The following WWOX variants were observed in gnomAD, a reference collection of about 807,000 sequenced individuals.
The protein encoded by WWOX is WW domain-containing oxidoreductase.
In WWOX, 69 loss-of-function variants were observed where a neutral mutation model predicts 46.2. That is an observed-to-expected ratio of 1.49 (90% CI 1.23 to 1.82). WWOX has a LOEUF of 1.82. Ranked by LOEUF, WWOX falls within the 40% of genes most tolerant of loss-of-function variation. WWOX has a pLI of 0.00. For synonymous variants in WWOX, 359 were observed against 202.6 expected (o/e 1.77, Z -6.56); for missense variants, 919 against 542.6 (o/e 1.69, Z -6.89).
chr16:78,859,699 A>T (rs944966957), intron 8 of WWOX, among the ~76,000 whole-genome samples: 4 of 152,190 alleles, frequency 2.6e-5, no homozygotes, highest in African/African-American at 7.2e-5. Flanking sequence ...AAATTTCTCC[A>T]TAGCCTTCTG....
chr16:78,185,614 C>T (rs139275798), intron 5 of WWOX, among the ~76,000 whole-genome samples: 1 of 152,096 alleles, frequency 6.6e-6, no homozygotes, highest in African/African-American at 2.4e-5. Flanking sequence ...GATATGCGTT[C>T]ATTCAAAGAA....
intron 8 of WWOX, among the ~76,000 whole-genome samples, chr16:78,480,216 T>C (rs946359145): frequency 4.6e-5 from 7 of 152,370 alleles, no homozygotes; most frequent in East Asian, 3.9e-4. Context: ...AGTAGCCAGA[T>C]GTGGTTATTG....
intron 8 of WWOX, among the ~76,000 whole-genome samples, chr16:78,773,592 G>A (rs1479381143): frequency 2.0e-5 from 3 of 152,154 alleles, no homozygotes; most frequent in East Asian, 3.8e-4. Flanking sequence ...CTCCGCACTC[G>A]TGGGTGGAAT....
chr16:78,343,539 G>GC (rs2081049841), intron 5 of WWOX, among the ~76,000 whole-genome samples: 2 of 121,010 alleles, frequency 1.7e-5, no homozygotes, highest in East Asian at 3.9e-4. Flanking sequence ...TCTGGGCACA[G>GC]CCCCCCTTGA....
At chr16:78,677,154 A>G (rs2047620888) in intron 8 of WWOX, among the ~76,000 whole-genome samples, 1 of 152,090 alleles carries the variant, frequency 6.6e-6, no homozygotes, top group Non-Finnish European at 1.5e-5. Flanking sequence ...ACAGACCCCA[A>G]AGCTTGCTGT....
rs1175159622 is a variant in WWOX at position 78,887,075 on chromosome 16, GTGGTGTGTGTGTGT to G, written c.1057-324532_1057-324519del. Among the ~76,000 whole-genome samples, 40 of 20,892 alleles carry G rather than the reference GTGGTGTGTGTGTGT, an allele frequency of 1.9e-3. 1 individual carries two copies. Among genetic ancestry groups the G allele is most frequent in the African/African-American group, 2.6e-3 (35 of 13,624 alleles). 13.7% of individuals were successfully genotyped at this position (20,892 alleles called of 152,430 possible). ...ACAGTCTGGCTATATGTGTGTGTGT[GTGGTGTGTGTGTGT>G]GTGTGTGTGTGTGTGTGTGTGTGTG... is the stretch of plus-strand genomic sequence containing the variant. On this transcript the variant is annotated intron_variant, in intron 8 of 8. Coordinates refer to ENST00000566780, the MANE Select transcript of WWOX (RefSeq NM_016373.4).
chr16:78,118,913 C>G (rs1348292581), intron 4 of WWOX: 1 of 152,126 alleles, frequency 6.6e-6, no homozygotes, highest in Non-Finnish European at 1.5e-5. Flanking sequence ...GTTGCCTCCT[C>G]AGAAACTAAC....
intron 8 of WWOX, among the ~76,000 whole-genome samples, chr16:78,598,979 G>GT (rs2045558422): frequency 6.6e-6 from 1 of 152,202 alleles, no homozygotes; most frequent in East Asian, 1.9e-4. Context: ...TAGGCAACCA[G>GT]TAAGTGGCAG....
chr16:78,913,165 T>C (rs970897433), intron 8 of WWOX, among the ~76,000 whole-genome samples: 5 of 152,020 alleles, frequency 3.3e-5, no homozygotes, highest in African/African-American at 9.7e-5. Flanking sequence ...TTGCTGTCGC[T>C]GAGGTAATAT....
intron 8 of WWOX, among the ~76,000 whole-genome samples, chr16:78,977,788 C>T (rs1474618430): frequency 6.6e-6 from 1 of 152,150 alleles, no homozygotes; most frequent in Non-Finnish European, 1.5e-5. Flanking sequence ...CATGCACTCC[C>T]ATCCCAGCCT....
intron 7 of WWOX, among the ~76,000 whole-genome samples, chr16:78,426,804 C>G (rs953639795): frequency 6.6e-6 from 1 of 152,172 alleles, no homozygotes; most frequent in Non-Finnish European, 1.5e-5. Context: ...GCTGGGACCA[C>G]AGGCGCTTGC....
chr16:78,630,994 A>T (rs1401506024), intron 8 of WWOX, among the ~76,000 whole-genome samples: 4 of 152,206 alleles, frequency 2.6e-5, no homozygotes, highest in African/African-American at 9.6e-5. Flanking sequence ...TTTTGTCATT[A>T]TTCCTTAAAC....
At chr16:78,675,735 A>T (rs2142216502) in intron 8 of WWOX, among the ~76,000 whole-genome samples, 1 of 152,268 alleles carries the variant, frequency 6.6e-6, no homozygotes, top group East Asian at 1.9e-4. Flanking sequence ...GCACTTAGAG[A>T]GGGCAAGACA....
At chr16:78,653,200 A>G (rs974994923) in intron 8 of WWOX, among the ~76,000 whole-genome samples, 2 of 152,224 alleles carry the variant, frequency 1.3e-5, no homozygotes, top group Non-Finnish European at 2.9e-5. Context: ...CATTGCTTGA[A>G]AAAACATACT....
chr16:78,453,534 G>A (rs1440527866), intron 8 of WWOX, among the ~76,000 whole-genome samples: 2 of 152,156 alleles, frequency 1.3e-5, no homozygotes, highest in African/African-American at 2.4e-5. Context: ...GACTCAATAC[G>A]TGGGTTTGTT....
intron 8 of WWOX, among the ~76,000 whole-genome samples, chr16:78,987,098 AACTT>A (rs1441867332): frequency 1.3e-5 from 2 of 152,288 alleles, no homozygotes; most frequent in East Asian, 3.9e-4. Context: ...AAGGAGAACT[AACTT>A]GCCACTTTGA....
chr16:78,928,999 A>G (rs1567655895), intron 8 of WWOX, among the ~76,000 whole-genome samples: 1 of 152,238 alleles, frequency 6.6e-6, no homozygotes, highest in Non-Finnish European at 1.5e-5. Context: ...ATTTCTGTAT[A>G]TATAATATAC....
chr16:79,163,478 G>C (rs1330959309), intron 8 of WWOX, among the ~76,000 whole-genome samples: 1 of 152,152 alleles, frequency 6.6e-6, no homozygotes, highest in South Asian at 2.1e-4. Flanking sequence ...CTTGCACACA[G>C]TCAGTAATCA....
intron 5 of WWOX, among the ~76,000 whole-genome samples, chr16:78,378,270 A>G (rs1263044813): frequency 3.3e-5 from 5 of 152,172 alleles, no homozygotes; most frequent in Non-Finnish European, 7.3e-5. Context: ...AGAGACTCTC[A>G]AACTCCCCTT....
Sources: allele counts gnomAD v4.1 joint callset (sites outside exome capture counted in the v4.1 genomes callset), GRCh38; gene constraint gnomAD v4.1.1; transcripts MANE v1.5; gene names NCBI Gene and HGNC (gene_info 2026-07-23, HGNC 2026-07-21).